The following MYO16 variants were observed in gnomAD, a reference collection of about 807,000 sequenced individuals.
MYO16 encodes the protein unconventional myosin-XVI.
Under a neutral mutation model 205.3 loss-of-function variants are expected in MYO16, and 94 were observed. The observed-to-expected ratio is 0.46, with a 90% CI of 0.39 to 0.54. MYO16 has a LOEUF of 0.54. MYO16 is among the 20% of genes least tolerant of loss of function. The pLI is 0.00. For synonymous variants in MYO16, 988 were observed against 954.0 expected (o/e 1.04, Z -0.66); for missense variants, 2,315 against 2,387.5 (o/e 0.97, Z 0.63).
At chr13:108,947,985 T>A (rs1883000964) in intron 16 of MYO16, among the ~76,000 whole-genome samples, 1 of 152,236 alleles carries the variant, frequency 6.6e-6, no homozygotes, top group Non-Finnish European at 1.5e-5. Context: ...GACTCATATA[T>A]TAATACTTTC....
intron 27 of MYO16, among the ~76,000 whole-genome samples, chr13:109,072,084 C>T (rs1887940519): frequency 6.6e-6 from 1 of 152,136 alleles, no homozygotes; most frequent in Admixed American, 6.6e-5. Context: ...TGAGAAAATA[C>T]AGACCTTGAT....
chr13:108,592,414 G>C (rs1276518278), upstream of MYO16, among the ~76,000 whole-genome samples: 1 of 126,114 alleles, frequency 7.9e-6, no homozygotes, highest in Non-Finnish European at 1.7e-5. Context: ...GGATGTGTGT[G>C]GTGTGTGTGT....
chr13:108,987,894 TTC>T (rs1389174753), intron 20 of MYO16, among the ~76,000 whole-genome samples: 1 of 152,242 alleles, frequency 6.6e-6, no homozygotes, highest in African/African-American at 2.4e-5. Context: ...ATTCAGTCCT[TTC>T]TCCACTCTAT....
the MYO16 span, among the ~76,000 whole-genome samples, chr13:108,580,996 G>T: frequency 6.6e-6 from 1 of 152,176 alleles, no homozygotes; most frequent in Non-Finnish European, 1.5e-5. Flanking sequence ...TTTCTATAAT[G>T]AAATGTAAAA....
intron 23 of MYO16, among the ~76,000 whole-genome samples, chr13:109,044,896 G>A (rs1886990463): frequency 6.6e-6 from 1 of 152,064 alleles, no homozygotes; most frequent in South Asian, 2.1e-4. Context: ...CACTGTATTG[G>A]TCAGGCTGGT....
chr13:108,812,863 T>G (rs1887337598), intron 7 of MYO16, among the ~76,000 whole-genome samples: 1 of 152,154 alleles, frequency 6.6e-6, no homozygotes, highest in Admixed American at 6.5e-5. Flanking sequence ...TCTTTCCCTC[T>G]GGAGGGTGCA....
intron 20 of MYO16, among the ~76,000 whole-genome samples, chr13:108,981,753 T>A (rs1481684142): frequency 2.0e-5 from 3 of 152,354 alleles, no homozygotes; most frequent in African/African-American, 7.2e-5. Flanking sequence ...TTTAAGTCAC[T>A]GAGTTTTGTG....
intron 2 of MYO16, among the ~76,000 whole-genome samples, chr13:108,683,031 C>G (rs1882528733): frequency 1.3e-5 from 2 of 152,140 alleles, no homozygotes; most frequent in African/African-American, 4.8e-5. Context: ...CTTTCTGTTT[C>G]TCATCCTTAC....
At chr13:108,712,173 G>A (rs1426762304) in intron 2 of MYO16, among the ~76,000 whole-genome samples, 1 of 152,186 alleles carries the variant, frequency 6.6e-6, no homozygotes, top group Non-Finnish European at 1.5e-5. Context: ...TTGTTCTGAC[G>A]TGCTTTGTGA....
chr13:109,063,786 T>TTGG (rs1239651594), intron 27 of MYO16, among the ~76,000 whole-genome samples: 1 of 152,088 alleles, frequency 6.6e-6, no homozygotes, highest in Non-Finnish European at 1.5e-5. Flanking sequence ...TTGATACTTA[T>TTGG]GCTGATAGAA....
intron 4 of MYO16, among the ~76,000 whole-genome samples, chr13:108,785,360 T>G (rs1322632811): frequency 6.6e-6 from 1 of 152,050 alleles, no homozygotes; most frequent in African/African-American, 2.4e-5. Flanking sequence ...AGCCACACAC[T>G]AGAGATGCTG....
At position 108,921,894 on chromosome 13, in the gene MYO16, G is replaced by A. The variant is rs564927862; in HGVS notation, c.1925+11744G>A. Among the ~76,000 whole-genome samples the A allele has an allele frequency of 5.9e-5, 9 of 152,334 alleles. No homozygotes were observed. The South Asian group carries it at 1.2e-3, about 21-fold the overall frequency. ...GCCTCAGAGTATGGTTGTGAGTGAC[G>A]GAGTGAGTGCAGTGGAAGCGTTGGC... On this transcript the variant is annotated intron_variant, in intron 16 of 34. Coordinates refer to ENST00000457511, the MANE Select transcript of MYO16 (RefSeq NM_001198950.3).
chr13:109,090,805 T>C (rs1184535033), intron 27 of MYO16, among the ~76,000 whole-genome samples: 1 of 151,960 alleles, frequency 6.6e-6, no homozygotes, highest in Non-Finnish European at 1.5e-5. Flanking sequence ...AAAAAATAAC[T>C]AGTACTCCCT....
At chr13:108,671,837 A>T (rs1882000642) in intron 2 of MYO16, among the ~76,000 whole-genome samples, 1 of 152,132 alleles carries the variant, frequency 6.6e-6, no homozygotes, top group South Asian at 2.1e-4. Context: ...TTTTAAGAGC[A>T]CTAATCTTAT....
intron 31 of MYO16, among the ~76,000 whole-genome samples, chr13:109,134,792 C>A (rs1416889061): frequency 1.3e-5 from 2 of 152,124 alleles, no homozygotes; most frequent in Admixed American, 6.5e-5. Flanking sequence ...GTCCCAAACA[C>A]CAAACCAGGT....
intron 10 of MYO16, among the ~76,000 whole-genome samples, chr13:108,854,063 G>A (rs1001334402): frequency 6.6e-6 from 1 of 151,228 alleles, no homozygotes; most frequent in African/African-American, 2.4e-5. Context: ...GCTGGATTTC[G>A]GCTCACTGCA....
chr13:108,574,681 G>T, the MYO16 span, among the ~76,000 whole-genome samples: 127 of 134,090 alleles, frequency 9.5e-4, no homozygotes, highest in Non-Finnish European at 6.5e-4. Context: ...GTGTGTGTGT[G>T]TGTGTGTGTG....
chr13:109,179,431 A>G, intron 33 of MYO16, 111 bp from the exon 34 acceptor site: 2 of 708,840 alleles, frequency 2.8e-6, no homozygotes, highest in Non-Finnish European at 5.0e-6. Flanking sequence ...AAGGATCATC[A>G]TTTCAATTCA....
chr13:109,003,841 C>T (rs997461521), intron 21 of MYO16, among the ~76,000 whole-genome samples: 7 of 152,088 alleles, frequency 4.6e-5, no homozygotes, highest in Admixed American at 1.3e-4. Context: ...AGATTGTGAT[C>T]GAAAGCAGTT....
Sources: gnomAD v4.1 joint callset for allele counts (sites outside exome capture counted in the v4.1 genomes callset) on GRCh38, gnomAD v4.1.1 for gene constraint, MANE v1.5 for transcripts, NCBI Gene and HGNC (gene_info 2026-07-23, HGNC 2026-07-21) for gene names.